KCNN2: variants seen among roughly 807,000 people sequenced by gnomAD.
KCNN2 encodes the protein small conductance calcium-activated potassium channel protein 2.
Under a neutral mutation model 55.5 loss-of-function variants are expected in KCNN2, and 24 were observed. The ratio of observed to expected loss-of-function variants is 0.43; its 90% CI spans 0.31 to 0.61. The LOEUF (loss-of-function observed/expected upper bound fraction) is 0.61, where lower values mean the gene tolerates loss of function less well. Among genes scored for constraint, KCNN2 ranks in the 20% least tolerant of loss-of-function variants. The probability of loss-of-function intolerance (pLI) is 0.08; values close to 1 mark genes in which losing one functional copy is unlikely to be tolerated. For synonymous variants in KCNN2, 431 were observed against 336.1 expected (o/e 1.28, Z -3.09); for missense variants, 754 against 853.6 (o/e 0.88, Z 1.45).
chr5:114,097,268 C>T (rs772600649), intron 1 of KCNN2, among the ~76,000 whole-genome samples: 6 of 152,140 alleles, frequency 3.9e-5, no homozygotes, highest in Non-Finnish European at 7.4e-5. Flanking sequence ...GGAGGTATTT[C>T]CCACAGGGTC....
intron 3 of KCNN2, among the ~76,000 whole-genome samples, chr5:114,455,498 G>A (rs543271465): frequency 1.8e-4 from 28 of 152,230 alleles, no homozygotes; most frequent in East Asian, 9.6e-4. Flanking sequence ...TCCCTGAAAC[G>A]CAGTGATACT....
At chr5:114,439,445 T>C (rs1425267746) in intron 3 of KCNN2, among the ~76,000 whole-genome samples, 2 of 152,174 alleles carry the variant, frequency 1.3e-5, no homozygotes, top group South Asian at 2.1e-4. Context: ...TTTTTTACGA[T>C]TGTACTCCAT....
chr5:114,448,698 G>C (rs922248834), intron 3 of KCNN2, among the ~76,000 whole-genome samples: 24 of 152,188 alleles, frequency 1.6e-4, no homozygotes, highest in African/African-American at 5.5e-4. Flanking sequence ...ATAATGCAAT[G>C]ACATTCAGGA....
intron 1 of KCNN2, among the ~76,000 whole-genome samples, chr5:114,145,848 G>A (rs546893773): frequency 3.4e-4 from 52 of 152,262 alleles, no homozygotes; most frequent in African/African-American, 1.1e-3. Context: ...GACCTGGACC[G>A]CTGGAGACGA....
At position 114,396,096 on chromosome 5, in the gene KCNN2, A is replaced by C. The variant is rs532268853; in HGVS notation, c.1219-8342A>C. Among the ~76,000 whole-genome samples, 4 of 152,260 alleles carry C rather than the reference A, an allele frequency of 2.6e-5. No individual in the cohort carries two copies. The South Asian group carries it at 6.2e-4, about 24-fold the overall frequency. ...AGCCCTTGGCCCTTTGTACCCAGGA[A>C]ATGGCACCACCATCCGCTGTGTTTC... On this transcript the variant is annotated intron_variant, in intron 2 of 7. Transcript: ENST00000673685.
chr5:114,185,585 C>T (rs951713092), intron 1 of KCNN2, among the ~76,000 whole-genome samples: 2 of 152,170 alleles, frequency 1.3e-5, no homozygotes, highest in South Asian at 2.1e-4. Context: ...TATCTTTTTC[C>T]TTCTCACCCA....
At chr5:114,248,083 C>A (rs7712075) in intron 2 of KCNN2, among the ~76,000 whole-genome samples, 1 of 152,020 alleles carries the variant, frequency 6.6e-6, no homozygotes, top group African/African-American at 2.4e-5. Context: ...CTTCCTTATT[C>A]GAATCAGGTC....
At chr5:114,449,730 A>G (rs1760568970) in intron 3 of KCNN2, among the ~76,000 whole-genome samples, 1 of 152,148 alleles carries the variant, frequency 6.6e-6, no homozygotes, top group Non-Finnish European at 1.5e-5. Flanking sequence ...AGTTAAAAAT[A>G]TCCACAGGGA....
chr5:114,180,276 A>G (rs913133338), intron 1 of KCNN2, among the ~76,000 whole-genome samples: 4 of 152,110 alleles, frequency 2.6e-5, no homozygotes, highest in Non-Finnish European at 1.5e-5. Context: ...AGTCACTACT[A>G]CCGAGTCTCA....
chr5:114,404,650 ACT>A lies in KCNN2; in HGVS notation c.1434_1435del (p.Tyr479SerfsTer10). ...TTTTATCTATACCAATGTTCTTAAGACTCTATCTGATTGCCAGAGTCATGCTT... is the reference window on the plus strand; with the variant it reads ...TTTTATCTATACCAATGTTCTTAAGACTATCTGATTGCCAGAGTCATGCTT... Reference protein sequence around the residue: ...IILSIPMFLRLYLIARVMLLH... With the variant: ...IILSIPMFLRXYLIARVMLLH... On this transcript the variant is annotated frameshift_variant, in exon 3 of 8. Transcript: ENST00000673685. LOFTEE classifies it high-confidence loss of function. 6.2e-7 allele frequency: 1 copy of A among 1,613,582 alleles called. No homozygotes were observed. The highest frequency in any genetic ancestry group is 8.5e-7 in the Non-Finnish European group (1 of 1,179,822).
In KCNN2 at chr5:114,111,874, TTGG is replaced by T. The variant is rs1367382197; in HGVS notation, c.-271+55378_-271+55380del. On this transcript the variant is annotated intron_variant, in intron 1 of 10. Coordinates refer to the KCNN2 transcript ENST00000512097. ...GAGAAATGGGAACACTTTTACACTG[TTGG>T]TGGGAGTGTAAATTAGTTCAACCAT... Among the ~76,000 whole-genome samples, 3 of 152,276 alleles carry T rather than the reference TTGG, an allele frequency of 2.0e-5. No individual in the cohort carries two copies. In the East Asian group the frequency reaches 5.8e-4, roughly 29 times the overall value.
At chr5:114,339,670 G>A (rs542130509) in intron 2 of KCNN2, among the ~76,000 whole-genome samples, 3 of 151,994 alleles carry the variant, frequency 2.0e-5, no homozygotes, top group Non-Finnish European at 4.4e-5. Context: ...AGGCATGGTG[G>A]TGTATGCCTA....
intron 2 of KCNN2, among the ~76,000 whole-genome samples, chr5:114,392,650 G>A (rs1007699467): frequency 2.6e-5 from 4 of 152,030 alleles, no homozygotes; most frequent in Non-Finnish European, 5.9e-5. Flanking sequence ...AGATCTCAAC[G>A]AGACCATTGA....
chr5:114,225,157 G>A (rs776832771), intron 2 of KCNN2, among the ~76,000 whole-genome samples: 2 of 152,100 alleles, frequency 1.3e-5, no homozygotes, highest in African/African-American at 2.4e-5. Flanking sequence ...AAAAAGTAAG[G>A]CATTATGTGA....
At chr5:114,099,940 T>C (rs1254987016) in intron 1 of KCNN2, among the ~76,000 whole-genome samples, 1 of 151,986 alleles carries the variant, frequency 6.6e-6, no homozygotes, top group Non-Finnish European at 1.5e-5. Context: ...TTTTGTACTT[T>C]TGTATGAACT....
chr5:114,476,765 A>G (rs984858912), intron 5 of KCNN2, among the ~76,000 whole-genome samples: 7 of 152,156 alleles, frequency 4.6e-5, no homozygotes, highest in Non-Finnish European at 8.8e-5. Flanking sequence ...AAATAAAGAT[A>G]TTAATGTTAA....
intron 2 of KCNN2, among the ~76,000 whole-genome samples, chr5:114,321,853 A>G (rs1016431044): frequency 2.0e-5 from 3 of 152,054 alleles, no homozygotes; most frequent in Non-Finnish European, 1.5e-5. Context: ...TATTTTTAGT[A>G]GAGACGGGGT....
chr5:114,384,654 G>T (rs1758222614), intron 2 of KCNN2, among the ~76,000 whole-genome samples: 1 of 152,184 alleles, frequency 6.6e-6, no homozygotes, highest in South Asian at 2.1e-4. Flanking sequence ...ATCTTTATAA[G>T]AATATGAGGT....
At chr5:114,320,145 G>A (rs1331087808) in intron 2 of KCNN2, among the ~76,000 whole-genome samples, 2 of 152,008 alleles carry the variant, frequency 1.3e-5, no homozygotes, top group South Asian at 2.1e-4. Context: ...GAAAAGATTC[G>A]AGTACAGTCA....
Sources: gnomAD v4.1 joint callset for allele counts (sites outside exome capture counted in the v4.1 genomes callset) on GRCh38, gnomAD v4.1.1 for gene constraint, MANE v1.5 for transcripts, NCBI Gene and HGNC (gene_info 2026-07-23, HGNC 2026-07-21) for gene names.